The following TMTC2 variants were observed in gnomAD, a reference collection of about 807,000 sequenced individuals.
The protein encoded by TMTC2 is protein O-mannosyl-transferase TMTC2.
A neutral mutation model predicts 82.4 loss-of-function variants in TMTC2; 43 were observed. That is an observed-to-expected ratio of 0.52 (90% CI 0.41 to 0.67). TMTC2 has a LOEUF of 0.67. TMTC2 is among the 30% of genes least tolerant of loss of function. The probability of loss-of-function intolerance (pLI) is 0.00; values close to 1 mark genes in which losing one functional copy is unlikely to be tolerated. For missense variants in TMTC2, 919 were observed against 1,012.4 expected, an observed-to-expected ratio of 0.91 and a Z score of 1.25; for synonymous variants, 408 against 381.9, an observed-to-expected ratio of 1.07 and a Z score of -0.80.
chr12:82,993,471 C>CT (rs1242326094), intron 8 of TMTC2, among the ~76,000 whole-genome samples: 3 of 151,592 alleles, frequency 2.0e-5, no homozygotes, highest in African/African-American at 7.3e-5. Flanking sequence ...TATTGAATAA[C>CT]TTTTTTTAAA....
chr12:83,085,211 G>A (rs1416115695), intron 11 of TMTC2, among the ~76,000 whole-genome samples: 1 of 152,144 alleles, frequency 6.6e-6, no homozygotes, highest in African/African-American at 2.4e-5. Flanking sequence ...AAATATCAAG[G>A]AGTTTGGTTA....
intron 4 of TMTC2, among the ~76,000 whole-genome samples, chr12:82,938,238 G>T (rs1465052306): frequency 6.6e-6 from 1 of 151,972 alleles, no homozygotes; most frequent in African/African-American, 2.4e-5. Flanking sequence ...CCTAATAAGG[G>T]TATGAGAGAT....
chr12:83,053,620 G>C (rs1882431486), intron 10 of TMTC2, among the ~76,000 whole-genome samples: 2 of 152,136 alleles, frequency 1.3e-5, no homozygotes, highest in East Asian at 3.9e-4. Context: ...CCATCAAGGG[G>C]CAAATCTTTA....
intron 2 of TMTC2, among the ~76,000 whole-genome samples, chr12:82,876,045 GTGGTGGTGGTGGTGGTGGTGGTGA>G (rs1228429198): frequency 1.6e-5 from 2 of 126,946 alleles, no homozygotes; most frequent in Non-Finnish European, 1.8e-5. Flanking sequence ...GGTGGTGGTG[GTGGTGGTGGTGGTGGTGGTGGTGA>G]TGATGATGAT....
chr12:82,856,862 A>T (rs893328902), intron 1 of TMTC2, 148 bp from the exon 2 acceptor site: 3 of 733,600 alleles, frequency 4.1e-6, no homozygotes, highest in Admixed American at 5.7e-5. Flanking sequence ...TAAGGGGAGG[A>T]CATGAATTCA....
intron 8 of TMTC2, among the ~76,000 whole-genome samples, chr12:83,026,598 T>C (rs952921531): frequency 2.6e-5 from 4 of 151,938 alleles, no homozygotes; most frequent in Non-Finnish European, 5.9e-5. Context: ...TTGAGTATAG[T>C]TTACTTTTTA....
Position 82,862,586 on chromosome 12 carries a change from A to T in TMTC2, c.654+5006A>T, listed in dbSNP as rs145039846. Among the ~76,000 whole-genome samples the T allele has an allele frequency of 3.0e-3, 459 of 152,338 alleles. 1 individual carries two copies. The highest frequency in any genetic ancestry group is 0.011 in the African/African-American group (438 of 41,586). ...GTTCCAAGATGTGCATTATCTAGGT[A>T]ATCTCTTTTTCTTAAAATTAAATTT... On this transcript the variant is annotated intron_variant, in intron 2 of 11. Transcript: ENST00000321196.
intron 1 of TMTC2, among the ~76,000 whole-genome samples, chr12:82,824,827 G>A (rs1049476657): frequency 6.6e-5 from 10 of 152,110 alleles, no homozygotes; most frequent in African/African-American, 2.2e-4. Flanking sequence ...AGTGGCTCAC[G>A]TCTGTAATCC....
At chr12:82,806,837 C>A (rs888902016) in intron 1 of TMTC2, among the ~76,000 whole-genome samples, 1 of 152,010 alleles carries the variant, frequency 6.6e-6, no homozygotes, top group South Asian at 2.1e-4. Flanking sequence ...TGTTAGATGG[C>A]AAAGGCAAAA....
intron 1 of TMTC2, among the ~76,000 whole-genome samples, chr12:82,791,483 T>G (rs1389693780): frequency 6.6e-6 from 1 of 152,098 alleles, no homozygotes; most frequent in Non-Finnish European, 1.5e-5. Flanking sequence ...AGCTAGGCTC[T>G]TTGTCACAGA....
intron 10 of TMTC2, among the ~76,000 whole-genome samples, chr12:83,053,328 G>A (rs1455409468): frequency 6.6e-6 from 1 of 152,116 alleles, no homozygotes; most frequent in Non-Finnish European, 1.5e-5. Context: ...GGGTGTGAGA[G>A]AGACTGGGTG....
At chr12:83,064,283 A>G (rs1882846032) in intron 11 of TMTC2, among the ~76,000 whole-genome samples, 1 of 151,924 alleles carries the variant, frequency 6.6e-6, no homozygotes, top group African/African-American at 2.4e-5. Flanking sequence ...TGAAATAGTT[A>G]ATTTTAAAAG....
intron 4 of TMTC2, among the ~76,000 whole-genome samples, chr12:82,931,454 TACA>T (rs1304718824): frequency 2.0e-5 from 3 of 152,300 alleles, no homozygotes; most frequent in Admixed American, 1.3e-4. Flanking sequence ...TCCTAGCTGG[TACA>T]ACGAGATGTG....
intron 1 of TMTC2, among the ~76,000 whole-genome samples, chr12:82,826,035 G>A (rs897585868): frequency 1.3e-5 from 2 of 152,198 alleles, no homozygotes; most frequent in Non-Finnish European, 2.9e-5. Context: ...AACAGCAGGT[G>A]ATGCTAGACT....
chr12:82,875,652 G>T (rs1196869960), intron 2 of TMTC2, among the ~76,000 whole-genome samples: 1 of 152,030 alleles, frequency 6.6e-6, no homozygotes, highest in African/African-American at 2.4e-5. Context: ...AGTAAACTTT[G>T]GTAACAATTA....
chr12:82,998,239 C>T (rs139568040), intron 8 of TMTC2, among the ~76,000 whole-genome samples: 18 of 151,986 alleles, frequency 1.2e-4, no homozygotes, highest in Admixed American at 3.3e-4. Flanking sequence ...GATGGGTGGA[C>T]GGAGATAATA....
chr12:83,051,943 C>T (rs1460457961), intron 10 of TMTC2, among the ~76,000 whole-genome samples: 1 of 151,968 alleles, frequency 6.6e-6, no homozygotes, highest in Non-Finnish European at 1.5e-5. Flanking sequence ...TGGTTTTAAT[C>T]AAATGATTTA....
chr12:82,767,736 G>A (rs114526763), intron 1 of TMTC2, among the ~76,000 whole-genome samples: 173 of 152,258 alleles, frequency 1.1e-3, no homozygotes, highest in African/African-American at 3.9e-3. Flanking sequence ...TTGGTACACA[G>A]GAAGTTTGTT....
In TMTC2 at chr12:83,051,500, C is replaced by T. The variant is rs148301395; in HGVS notation, c.2267+482C>T. Reference sequence around the variant, plus strand: ...TCCTTTCCCTTCCCTCTAAAAACTACTAGTCATAAAATACAAAAAGGAAAC... The same window carrying T: ...TCCTTTCCCTTCCCTCTAAAAACTATTAGTCATAAAATACAAAAAGGAAAC... On this transcript the variant is annotated intron_variant, in intron 10 of 11. Coordinates refer to ENST00000321196, the MANE Select transcript of TMTC2 (RefSeq NM_152588.3). 2.1e-3 allele frequency among the ~76,000 whole-genome samples: 320 copies of T among 152,078 alleles called. 2 individuals are homozygous for T. The highest frequency in any genetic ancestry group is 7.4e-3 in the African/African-American group (309 of 41,486).
Sources: allele counts gnomAD v4.1 joint callset (sites outside exome capture counted in the v4.1 genomes callset), GRCh38; gene constraint gnomAD v4.1.1; transcripts MANE v1.5; gene names NCBI Gene and HGNC (gene_info 2026-07-23, HGNC 2026-07-21).